Variants in TAFA5 observed in about 807,000 individuals in gnomAD.
TAFA5 encodes the protein chemokine-like protein TAFA-5.
TAFA5 carries 6 observed loss-of-function variants against 15.3 expected under a neutral mutation model. The observed-to-expected ratio is 0.39, with a 90% confidence interval of 0.21 to 0.77. The LOEUF is 0.77. Ranked by LOEUF, TAFA5 falls within the 30% of genes least tolerant of loss-of-function variation. TAFA5 has a pLI of 0.41. For missense variants in TAFA5, 161 were observed against 193.1 expected, an observed-to-expected ratio of 0.83 and a Z score of 0.98; for synonymous variants, 103 against 80.7, an observed-to-expected ratio of 1.28 and a Z score of -1.48.
intron 2 of TAFA5, among the ~76,000 whole-genome samples, chr22:48,697,956 TGATGGTGATGATG>T (rs1928772124): frequency 2.7e-5 from 4 of 149,256 alleles, no homozygotes; most frequent in Admixed American, 6.7e-5. Flanking sequence ...GTGAGGATGA[TGATGGTGATGATG>T]GTCCTGTTGA....
At chr22:48,712,258 T>C (rs759789475) in intron 3 of TAFA5, among the ~76,000 whole-genome samples, 1 of 152,214 alleles carries the variant, frequency 6.6e-6, no homozygotes, top group Non-Finnish European at 1.5e-5. Flanking sequence ...GGTTTCACCA[T>C]GTTGGCCAGG....
chr22:48,565,800 T>A (rs1051655538), intron 1 of TAFA5, among the ~76,000 whole-genome samples: 1 of 152,198 alleles, frequency 6.6e-6, no homozygotes, highest in Non-Finnish European at 1.5e-5. Flanking sequence ...CAGGTCTGGG[T>A]TTTATTCTCT....
intron 1 of TAFA5, among the ~76,000 whole-genome samples, chr22:48,512,940 A>T (rs867373023): frequency 0.013 from 1,870 of 148,430 alleles, 40 homozygotes; most frequent in African/African-American, 0.043. Context: ...AAAAAAAAAA[A>T]AAAAGAGAGA....
rs1031342737 is a variant in TAFA5 at position 48,552,588 on chromosome 22, C to T, written c.112+62884C>T. ...CATGCCCAGCTCTGCCTAAATGGAT[C>T]GATCATCTAGAACCCCCGTCGCAGG... On this transcript the variant is annotated intron_variant, in intron 1 of 3. Coordinates refer to ENST00000402357, the MANE Select transcript of TAFA5 (RefSeq NM_001082967.3). This position sits in a 1 kb window ranked among gnomAD's most constrained non-coding sequence, Gnocchi z 4.1. 3.3e-5 allele frequency among the ~76,000 whole-genome samples: 5 copies of T among 152,096 alleles called. No homozygotes were observed. Among genetic ancestry groups the T allele is most frequent in the African/African-American group, 7.2e-5 (3 of 41,402 alleles).
chr22:48,748,660 C>G (rs189849007), intron 3 of TAFA5, among the ~76,000 whole-genome samples: 26 of 152,290 alleles, frequency 1.7e-4, no homozygotes, highest in East Asian at 5.8e-4. Flanking sequence ...GACAAGGTGA[C>G]GGCAAGGTCG....
intron 2 of TAFA5, among the ~76,000 whole-genome samples, chr22:48,669,080 C>T (rs1020695827): frequency 6.6e-6 from 1 of 152,178 alleles, no homozygotes; most frequent in African/African-American, 2.4e-5. Flanking sequence ...CCCACTTCCC[C>T]GACGTGAGGA....
In TAFA5 at chr22:48,652,279, G is replaced by A. The variant is rs1927082641; in HGVS notation, c.262+5533G>A. On this transcript the variant is annotated intron_variant, in intron 2 of 3. Coordinates refer to ENST00000402357, the MANE Select transcript of TAFA5 (RefSeq NM_001082967.3). ...TCCCTAAGATGCGGTGTCTGTGGCCGAGTCAGCCTGCATCTACCAGTTGGT... is the reference window on the plus strand; with the variant it reads ...TCCCTAAGATGCGGTGTCTGTGGCCAAGTCAGCCTGCATCTACCAGTTGGT... Among the ~76,000 whole-genome samples, 3 of 152,372 alleles carry A rather than the reference G, an allele frequency of 2.0e-5. No homozygotes were observed. In the South Asian group the frequency reaches 6.2e-4, roughly 32 times the overall value.
intron 3 of TAFA5, among the ~76,000 whole-genome samples, chr22:48,728,999 A>G (rs1487281920): frequency 6.6e-6 from 1 of 152,094 alleles, no homozygotes; most frequent in East Asian, 1.9e-4. Flanking sequence ...AAGTGTATGC[A>G]TAGCTAGTGT....
chr22:48,692,914 A>G (rs1928586927), intron 2 of TAFA5, among the ~76,000 whole-genome samples: 2 of 152,330 alleles, frequency 1.3e-5, no homozygotes, highest in South Asian at 4.1e-4. Context: ...AGGCCACCTC[A>G]GGGATGGGGC....
At chr22:48,585,132 C>A (rs1485969103) in intron 1 of TAFA5, among the ~76,000 whole-genome samples, 1 of 148,684 alleles carries the variant, frequency 6.7e-6, no homozygotes, top group Non-Finnish European at 1.5e-5. Context: ...ACACAGATGC[C>A]ACACACAACA....
intron 2 of TAFA5, among the ~76,000 whole-genome samples, chr22:48,666,368 A>G (rs1392892506): frequency 2.6e-5 from 4 of 152,100 alleles, no homozygotes. Flanking sequence ...CTTTTTTTAT[A>G]GAAGGTTTAG....
intron 1 of TAFA5, among the ~76,000 whole-genome samples, chr22:48,519,837 C>G (rs991265730): frequency 1.3e-5 from 2 of 152,198 alleles, no homozygotes; most frequent in Admixed American, 6.5e-5. Context: ...CACCTAACCT[C>G]TCTGTGCCAT....
At chr22:48,672,052 A>G (rs1927820206) in intron 2 of TAFA5, among the ~76,000 whole-genome samples, 1 of 152,212 alleles carries the variant, frequency 6.6e-6, no homozygotes, top group Non-Finnish European at 1.5e-5. Context: ...CAGGGATCAG[A>G]GATGATTTCT....
intron 1 of TAFA5, among the ~76,000 whole-genome samples, chr22:48,612,177 C>T (rs1925432335): frequency 6.6e-6 from 1 of 152,168 alleles, no homozygotes; most frequent in Admixed American, 6.5e-5. Flanking sequence ...GGTGGCTCAT[C>T]CCCTGGCCGC....
chr22:48,577,183 T>C (rs1923843462), intron 1 of TAFA5, among the ~76,000 whole-genome samples: 5 of 152,218 alleles, frequency 3.3e-5, no homozygotes. Context: ...TGCAGGGCAG[T>C]CTGGGACTAT....
At chr22:48,522,367 G>A (rs941146608) in intron 1 of TAFA5, among the ~76,000 whole-genome samples, 1 of 152,040 alleles carries the variant, frequency 6.6e-6, no homozygotes, top group African/African-American at 2.4e-5. Flanking sequence ...CTGGGGGGAT[G>A]CAGACCCCCC....
chr22:48,705,672 C>A (rs1929055323), intron 2 of TAFA5, among the ~76,000 whole-genome samples: 1 of 152,254 alleles, frequency 6.6e-6, no homozygotes, highest in African/African-American at 2.4e-5. Flanking sequence ...TTGGGAACTG[C>A]AGAGCGTTGT....
intron 1 of TAFA5, among the ~76,000 whole-genome samples, chr22:48,641,478 T>C (rs1926673527): frequency 6.6e-6 from 1 of 151,916 alleles, no homozygotes; most frequent in South Asian, 2.1e-4. Context: ...CTAAGAAAAC[T>C]CCCCCAAAGG....
chr22:48,673,865 C>T (rs1347494746), intron 2 of TAFA5, among the ~76,000 whole-genome samples: 1 of 152,152 alleles, frequency 6.6e-6, no homozygotes, highest in Non-Finnish European at 1.5e-5. Flanking sequence ...CTTCCCCTAA[C>T]TCTGCCTGGG....
Sources: allele counts gnomAD v4.1 joint callset (sites outside exome capture counted in the v4.1 genomes callset), GRCh38; gene constraint gnomAD v4.1.1; non-coding constraint Gnocchi (gnomAD v3.1); transcripts MANE v1.5; gene names NCBI Gene and HGNC (gene_info 2026-07-23, HGNC 2026-07-21).